PELI2: variants seen among roughly 807,000 people sequenced by gnomAD.
PELI2 encodes the protein E3 ubiquitin-protein ligase pellino homolog 2.
A neutral mutation model predicts 42.3 loss-of-function variants in PELI2; 23 were observed. That is an observed-to-expected ratio of 0.54 (90% CI 0.39 to 0.77). The LOEUF is 0.77. Ranked by LOEUF, PELI2 falls within the 30% of genes least tolerant of loss-of-function variation. The pLI is 0.00. For synonymous variants in PELI2, 245 were observed against 212.2 expected, an observed-to-expected ratio of 1.15 and a Z score of -1.34; for missense variants, 463 against 553.2, an observed-to-expected ratio of 0.84 and a Z score of 1.64.
In PELI2 at chr14:56,216,916, A is replaced by G. The variant is rs544087758; in HGVS notation, c.207+38452A>G. ...TCCCTAAGAATAATTTTGCTTACCT[A>G]TATAATAATTCAAGAATTTAATCAT... On this transcript the variant is annotated intron_variant, in intron 2 of 5. Coordinates refer to ENST00000267460, the MANE Select transcript of PELI2 (RefSeq NM_021255.3). 7.9e-5 allele frequency among the ~76,000 whole-genome samples: 12 copies of G among 152,354 alleles called. No individual in the cohort carries two copies. The East Asian group carries it at 2.1e-3, about 27-fold the overall frequency.
Position 56,129,065 on chromosome 14 carries a change from C to G in PELI2, c.77+10328C>G, listed in dbSNP as rs1201928369. On this transcript the variant is annotated intron_variant, in intron 1 of 5. Transcript: ENST00000267460. ...TTTGGAATTGAAGGGGTGAGAGGGC[C>G]TTTGTGATGAGAGAGACTTGAAAGG... Among the ~76,000 whole-genome samples the G allele has an allele frequency of 4.6e-5, 7 of 152,132 alleles. No individual in the cohort carries two copies. In the East Asian group the frequency reaches 1.2e-3, roughly 25 times the overall value.
rs1378569423 is a variant in PELI2 at position 56,273,103 on chromosome 14, C to G, written c.208-6573C>G. Reference sequence around the variant, plus strand: ...GGAAGGGCACCACTGAGTAGTCAGTCTCTGGTCCACATCTGGGGCAGCTGG... The same window carrying G: ...GGAAGGGCACCACTGAGTAGTCAGTGTCTGGTCCACATCTGGGGCAGCTGG... On this transcript the variant is annotated intron_variant, in intron 2 of 5. Transcript: ENST00000267460. The surrounding 1 kb of genome is among the most constrained non-coding windows in gnomAD (Gnocchi z 4.3). Among the ~76,000 whole-genome samples the G allele has an allele frequency of 6.6e-6, 1 of 152,204 alleles. No homozygotes were observed. Among genetic ancestry groups the G allele is most frequent in the Non-Finnish European group, 1.5e-5 (1 of 68,038 alleles).
rs1187465362 is a variant in PELI2, at chr14:56,275,743, G to A, written c.208-3933G>A. On this transcript the variant is annotated intron_variant, in intron 2 of 5. Coordinates refer to ENST00000267460, the MANE Select transcript of PELI2 (RefSeq NM_021255.3). The stretch of plus-strand genomic sequence containing the variant: ...TGCTGTGTGCCGTGGTTCCTAACAG[G>A]CCACAGACTGATAGCAGCCTGTGGC... 2.0e-5 allele frequency among the ~76,000 whole-genome samples: 3 copies of A among 152,236 alleles called. No individual in the cohort carries two copies. The East Asian group carries it at 5.8e-4, about 29-fold the overall frequency.
At chr14:56,268,466 C>T (rs763322871) in intron 2 of PELI2, among the ~76,000 whole-genome samples, 11 of 152,146 alleles carry the variant, frequency 7.2e-5, no homozygotes, top group Admixed American at 1.3e-4. Context: ...CAGGAGACTA[C>T]GGTTAGATTT....
intron 1 of PELI2, among the ~76,000 whole-genome samples, chr14:56,120,535 C>A (rs1169140065): frequency 6.6e-6 from 1 of 152,130 alleles, no homozygotes; most frequent in South Asian, 2.1e-4. Context: ...ATGGTCTGCC[C>A]TTTGCTAATG....
intron 2 of PELI2, among the ~76,000 whole-genome samples, chr14:56,223,131 A>C (rs1266937894): frequency 6.6e-6 from 1 of 152,184 alleles, no homozygotes. Context: ...GCCTGTGGCC[A>C]AAACCCAAAG....
intron 1 of PELI2, among the ~76,000 whole-genome samples, chr14:56,136,853 G>A (rs78723734): frequency 0.021 from 3,265 of 152,102 alleles, 53 homozygotes; most frequent in Middle Eastern, 0.065. Context: ...TTACTTTCCA[G>A]GTAGACCTTG....
chr14:56,233,446 T>C (rs1887661049), intron 2 of PELI2, among the ~76,000 whole-genome samples: 1 of 152,028 alleles, frequency 6.6e-6, no homozygotes, highest in Non-Finnish European at 1.5e-5. Flanking sequence ...TCAGAAGTAA[T>C]ACCACACATC....
intron 2 of PELI2, among the ~76,000 whole-genome samples, chr14:56,198,704 T>TG: frequency 6.6e-6 from 1 of 152,086 alleles, no homozygotes; most frequent in East Asian, 1.9e-4. Flanking sequence ...AGGGAGGGCT[T>TG]GGGGGTCATG....
intron 1 of PELI2, among the ~76,000 whole-genome samples, chr14:56,142,692 T>TA (rs398118239): frequency 2.0e-5 from 3 of 151,910 alleles, no homozygotes; most frequent in Non-Finnish European, 4.4e-5. Context: ...TAATTTTTTT[T>TA]AAACACTAAA....
chr14:56,263,789 G>A (rs1888806265), intron 2 of PELI2, among the ~76,000 whole-genome samples: 1 of 152,134 alleles, frequency 6.6e-6, no homozygotes, highest in African/African-American at 2.4e-5. Flanking sequence ...CATTTTTATA[G>A]TTTTATGCAC....
chr14:56,171,959 T>C (rs1011326337), intron 1 of PELI2, among the ~76,000 whole-genome samples: 1 of 152,014 alleles, frequency 6.6e-6, no homozygotes, highest in South Asian at 2.1e-4. Context: ...GAGGTTGTCG[T>C]GAGCCAGGAT....
chr14:56,212,962 G>A (rs552302088), intron 2 of PELI2, among the ~76,000 whole-genome samples: 1 of 152,312 alleles, frequency 6.6e-6, no homozygotes, highest in Admixed American at 6.5e-5. Flanking sequence ...TCACGAGGAG[G>A]GTCTTAGTCC....
Position 56,298,546 on chromosome 14 carries a change from C to A in PELI2, c.*1380C>A, listed in dbSNP as rs1890083123. 6.6e-6 allele frequency: 1 copy of A among 152,568 alleles called. No homozygotes were observed. Among genetic ancestry groups the A allele is most frequent in the African/African-American group, 2.4e-5 (1 of 41,426 alleles). 9.5% of individuals were successfully genotyped at this position (152,568 alleles called of 1,614,324 possible). ...TAATGTTCTCTTAATTTGACCATTG[C>A]AGATTTGGGTGACTTTTTTTTAACC... On this transcript the variant is annotated 3_prime_UTR_variant, in exon 6 of 6. Transcript: ENST00000267460.
chr14:56,294,761 TACCACC>T (rs1401251674), intron 5 of PELI2, among the ~76,000 whole-genome samples: 3 of 152,090 alleles, frequency 2.0e-5, no homozygotes, highest in African/African-American at 7.2e-5. Flanking sequence ...TTGTATGCAT[TACCACC>T]ACCGATACTC....
chr14:56,165,938 C>G (rs1429153769), intron 1 of PELI2, among the ~76,000 whole-genome samples: 1 of 152,076 alleles, frequency 6.6e-6, no homozygotes, highest in Admixed American at 6.6e-5. Flanking sequence ...GGCAACAGAT[C>G]AATGGGTCAG....
Position 56,297,596 on chromosome 14 carries a change from A to G in PELI2, c.*430A>G, listed in dbSNP as rs983146791. The G allele has an allele frequency of 1.1e-5, 2 of 176,946 alleles. No homozygotes were observed. Among genetic ancestry groups the G allele is most frequent in the Non-Finnish European group, 2.4e-5 (2 of 82,324 alleles). 11.0% of individuals were successfully genotyped at this position (176,946 alleles called of 1,614,324 possible). Reference sequence around the variant, plus strand: ...TGTAGGTGTTACGCGAAGGGCGCACAGTGTCTAGAAATACTTGATCGTGGC... The same window carrying G: ...TGTAGGTGTTACGCGAAGGGCGCACGGTGTCTAGAAATACTTGATCGTGGC... On this transcript the variant is annotated 3_prime_UTR_variant, in exon 6 of 6. Coordinates refer to ENST00000267460, the MANE Select transcript of PELI2 (RefSeq NM_021255.3).
intron 5 of PELI2, among the ~76,000 whole-genome samples, chr14:56,293,233 G>A (rs1479637610): frequency 1.3e-5 from 2 of 152,138 alleles, no homozygotes; most frequent in Non-Finnish European, 2.9e-5. Context: ...CTATGTAGGG[G>A]CCATTAGTTG....
At chr14:56,266,278 T>TA (rs2139845679) in intron 2 of PELI2, among the ~76,000 whole-genome samples, 1 of 152,050 alleles carries the variant, frequency 6.6e-6, no homozygotes, top group East Asian at 1.9e-4. Flanking sequence ...AGAAACTTTT[T>TA]AAAAAATCTG....
Sources: gnomAD v4.1 joint callset for allele counts (sites outside exome capture counted in the v4.1 genomes callset) on GRCh38, gnomAD v4.1.1 for gene constraint, Gnocchi (gnomAD v3.1) non-coding constraint, MANE v1.5 for transcripts, NCBI Gene and HGNC (gene_info 2026-07-23, HGNC 2026-07-21) for gene names.